TUSC3: variants seen among roughly 807,000 people sequenced by gnomAD.
TUSC3 encodes dolichyl-diphosphooligosaccharide--protein glycosyltransferase subunit TUSC3.
In TUSC3, 45 loss-of-function variants were observed where a neutral mutation model predicts 44.8. That is an observed-to-expected ratio of 1.00 (90% CI 0.79 to 1.29). The LOEUF (loss-of-function observed/expected upper bound fraction) is 1.29. Ranked by LOEUF, TUSC3 falls within the 50% of genes most tolerant of loss-of-function variation. TUSC3 has a pLI of 0.00. For synonymous variants in TUSC3, 212 were observed against 152.9 expected, an observed-to-expected ratio of 1.39 and a Z score of -2.85; for missense variants, 519 against 437.9, an observed-to-expected ratio of 1.19 and a Z score of -1.65.
In TUSC3 at chr8:15,448,952, A is replaced by C. The variant is rs114330544; in HGVS notation, n.91+31647A>C. ...CTTTATTTTTTTTAATAAATTTAGCATAGACTAATTGTAGAGTGTTTAGAA... is the reference window on the plus strand; with the variant it reads ...CTTTATTTTTTTTAATAAATTTAGCCTAGACTAATTGTAGAGTGTTTAGAA... On this transcript the variant is annotated intron_variant and non_coding_transcript_variant, in intron 1 of 5. Transcript: ENST00000503191. Among the ~76,000 whole-genome samples, 795 of 152,302 alleles carry C rather than the reference A, an allele frequency of 5.2e-3. 5 individuals are homozygous for C. The highest frequency in any genetic ancestry group is 0.02 in the Middle Eastern group (6 of 294).
At chr8:15,424,583 T>C (rs1384313239) in intron 1 of TUSC3, among the ~76,000 whole-genome samples, 1 of 152,066 alleles carries the variant, frequency 6.6e-6, no homozygotes, top group Non-Finnish European at 1.5e-5. Flanking sequence ...TTAAAGTTGA[T>C]TAAAAAATCG....
chr8:15,662,385 CT>C (rs1366165316), intron 5 of TUSC3, 89 bp downstream of exon 5: 4 of 1,554,558 alleles, frequency 2.6e-6, no homozygotes, highest in Non-Finnish European at 2.6e-6. Flanking sequence ...CCAGATATAA[CT>C]ATAATAGAAC....
chr8:15,591,521 C>G (rs1319610813), intron 1 of TUSC3, among the ~76,000 whole-genome samples: 1 of 152,050 alleles, frequency 6.6e-6, no homozygotes, highest in East Asian at 1.9e-4. Context: ...AATGGTAATT[C>G]TAGTAGAAGA....
intron 2 of TUSC3, among the ~76,000 whole-genome samples, chr8:15,519,728 A>C (rs1801268643): frequency 6.6e-6 from 1 of 152,214 alleles, no homozygotes; most frequent in African/African-American, 2.4e-5. Flanking sequence ...CATCGTGCCA[A>C]AAAGCACTGG....
intron 1 of TUSC3, among the ~76,000 whole-genome samples, chr8:15,467,078 G>GT: frequency 6.6e-6 from 1 of 152,156 alleles, no homozygotes; most frequent in Admixed American, 6.5e-5. Flanking sequence ...TTCGCTTACA[G>GT]TTTAAGAGCT....
chr8:15,528,810 T>G (rs1198638231), intron 2 of TUSC3, among the ~76,000 whole-genome samples: 1 of 152,236 alleles, frequency 6.6e-6, no homozygotes, highest in African/African-American at 2.4e-5. Context: ...TATAATTTCA[T>G]TAAGATACCT....
At chr8:15,612,271 T>TAA (rs1217461274) in intron 1 of TUSC3, among the ~76,000 whole-genome samples, 1 of 152,162 alleles carries the variant, frequency 6.6e-6, no homozygotes, top group Non-Finnish European at 1.5e-5. Context: ...GCATCTTGGT[T>TAA]AAAGACATGA....
At chr8:15,503,658 C>T (rs532404163) in intron 2 of TUSC3, among the ~76,000 whole-genome samples, 96 of 152,124 alleles carry the variant, frequency 6.3e-4, no homozygotes, top group South Asian at 1.2e-3. Flanking sequence ...AAGCTACGTT[C>T]GTACCACTCC....
chr8:15,437,779 C>G (rs771519128), intron 1 of TUSC3, among the ~76,000 whole-genome samples: 46 of 152,272 alleles, frequency 3.0e-4, no homozygotes, highest in African/African-American at 1.4e-4. Context: ...ATCTATACCT[C>G]GAGTTTCAGA....
rs186271952 is a variant in TUSC3, at chr8:15,483,686, C to G, written n.189+203C>G. 1.3e-3 allele frequency among the ~76,000 whole-genome samples: 91 copies of G among 71,854 alleles called. 1 individual carries two copies. The highest frequency in any genetic ancestry group is 4.6e-3 in the African/African-American group (88 of 19,134). 47.1% of individuals were successfully genotyped at this position (71,854 alleles called of 152,430 possible). On this transcript the variant is annotated intron_variant and non_coding_transcript_variant, in intron 2 of 5. Transcript: ENST00000503191. The stretch of plus-strand genomic sequence containing the variant: ...TTTTTTTTTTTTTGAGACTAAGTTT[C>G]GCTCTGTTGCCCATGCTGGAGTGCA...
intron 1 of TUSC3, among the ~76,000 whole-genome samples, chr8:15,433,444 A>T (rs1411752775): frequency 6.6e-6 from 1 of 152,152 alleles, no homozygotes; most frequent in Non-Finnish European, 1.5e-5. Flanking sequence ...TGACAAATGT[A>T]TGTCATGGAT....
intron 2 of TUSC3, among the ~76,000 whole-genome samples, chr8:15,503,296 C>G (rs1442964016): frequency 2.0e-5 from 3 of 152,122 alleles, no homozygotes; most frequent in African/African-American, 7.2e-5. Context: ...GAAACTAACC[C>G]TGCCGCCTCC....
At chr8:15,794,721 G>C in the TUSC3 span, among the ~76,000 whole-genome samples, 1 of 2,410 alleles carries the variant, frequency 4.1e-4, no homozygotes, top group East Asian at 0.12. Flanking sequence ...GCCTAATAAT[G>C]CTTTGGGAAC....
chr8:15,752,629 AAG>A (rs1438525655), intron 9 of TUSC3, among the ~76,000 whole-genome samples: 1 of 152,114 alleles, frequency 6.6e-6, no homozygotes, highest in Non-Finnish European at 1.5e-5. Flanking sequence ...AGATGAGACC[AAG>A]AGAGTATCTT....
chr8:15,545,037 G>A (rs563436549), intron 1 of TUSC3, among the ~76,000 whole-genome samples: 2 of 151,726 alleles, frequency 1.3e-5, no homozygotes, highest in Non-Finnish European at 2.9e-5. Context: ...CGTATTATGT[G>A]TTACACACAT....
chr8:15,767,832 A>G (rs909176977), downstream of TUSC3, among the ~76,000 whole-genome samples: 2 of 152,170 alleles, frequency 1.3e-5, no homozygotes, highest in African/African-American at 2.4e-5. Context: ...GCCTGGAGAA[A>G]AGATTGAAGT....
At chr8:15,526,665 C>T (rs1413241591) in intron 2 of TUSC3, among the ~76,000 whole-genome samples, 2 of 152,174 alleles carry the variant, frequency 1.3e-5, no homozygotes, top group Admixed American at 6.5e-5. Flanking sequence ...GAGGCCTCTC[C>T]AGTTACGTGG....
chr8:15,420,198 A>T (rs1363188119), intron 1 of TUSC3, among the ~76,000 whole-genome samples: 1 of 152,094 alleles, frequency 6.6e-6, no homozygotes, highest in African/African-American at 2.4e-5. Flanking sequence ...AGGTCACATT[A>T]AATAAGAGTT....
the TUSC3 span, among the ~76,000 whole-genome samples, chr8:15,848,646 A>C: frequency 5.9e-5 from 9 of 152,204 alleles, no homozygotes; most frequent in African/African-American, 2.2e-4. Flanking sequence ...ATGGACTCAG[A>C]CAAAGTGGTA....
Sources: allele counts gnomAD v4.1 joint callset (sites outside exome capture counted in the v4.1 genomes callset), GRCh38; gene constraint gnomAD v4.1.1; transcripts MANE v1.5; gene names NCBI Gene and HGNC (gene_info 2026-07-23, HGNC 2026-07-21).